Variants in PLAGL1 observed in about 807,000 individuals in gnomAD.
PLAGL1 encodes zinc finger protein PLAGL1.
PLAGL1 carries 1 observed loss-of-function variant against 4.6 expected under a neutral mutation model. The ratio of observed to expected loss-of-function variants is 0.22; its 90% confidence interval spans 0.08 to 1.03. PLAGL1 has a LOEUF of 1.03. PLAGL1 is among the 50% of genes least tolerant of loss of function. PLAGL1 has a pLI of 0.58. For synonymous variants in PLAGL1, 240 were observed against 237.8 expected (o/e 1.01, Z -0.08); for missense variants, 464 against 570.4 (o/e 0.81, Z 1.90).
At position 143,989,664 on chromosome 6, in the gene PLAGL1, A is replaced by T. The variant is rs960537425; in HGVS notation, c.-583-4490T>A. 9.2e-5 allele frequency among the ~76,000 whole-genome samples: 14 copies of T among 152,164 alleles called. No individual in the cohort carries two copies. The highest frequency in any genetic ancestry group is 4.4e-5 in the Non-Finnish European group (3 of 68,030). On this transcript the variant is annotated intron_variant, in intron 1 of 7. Transcript: ENST00000674357. This position sits in a 1 kb window ranked among gnomAD's most constrained non-coding sequence, Gnocchi z 4.8. ...GTGGGATTTCTCAGCCTTCATAATC[A>T]TCAGGGTCAATTCTTTGTAATCAAT...
rs1173664692 is a variant in PLAGL1 at position 143,985,354 on chromosome 6, AT to A, written c.-583-181del. On this transcript the variant is annotated intron_variant, in intron 1 of 7. Coordinates refer to ENST00000674357, the MANE Select transcript of PLAGL1 (RefSeq NM_001317162.2). The surrounding 1 kb of genome is among the most constrained non-coding windows in gnomAD (Gnocchi z 4.4). ...TATCACAACCGATATGTTTATATTA[AT>A]ACCATCTACTAGTCTATCGCGATTT... Among the ~76,000 whole-genome samples, 4 of 152,184 alleles carry A rather than the reference AT, an allele frequency of 2.6e-5. No homozygotes were observed. Among genetic ancestry groups the A allele is most frequent in the Non-Finnish European group, 5.9e-5 (4 of 68,038 alleles).
At chr6:144,020,055 C>T (rs1057034628) in intron 1 of PLAGL1, among the ~76,000 whole-genome samples, 12 of 151,974 alleles carry the variant, frequency 7.9e-5, no homozygotes, top group African/African-American at 2.9e-4. Context: ...AAGATAGAGC[C>T]CTCATGATGG....
rs1791449084 is a variant in PLAGL1 at position 143,995,652 on chromosome 6, T to C, written c.-583-10478A>G. Among the ~76,000 whole-genome samples the C allele has an allele frequency of 6.6e-6, 1 of 152,184 alleles. No individual in the cohort carries two copies. Among genetic ancestry groups the C allele is most frequent in the Admixed American group, 6.5e-5 (1 of 15,282 alleles). ...ATACCACTTAAAATTCAAACACTAT[T>C]ATGATATATATGCTTATATAAAATG... On this transcript the variant is annotated intron_variant, in intron 1 of 7. Coordinates refer to ENST00000674357, the MANE Select transcript of PLAGL1 (RefSeq NM_001317162.2). The surrounding 1 kb of genome is among the most constrained non-coding windows in gnomAD (Gnocchi z 4.4).
At chr6:143,998,424 A>G (rs73006260) in intron 1 of PLAGL1, among the ~76,000 whole-genome samples, 12,289 of 152,278 alleles carry the variant, frequency 0.081, 530 homozygotes, top group African/African-American at 0.097. Context: ...CTTACTAACT[A>G]TATGGTGTTA....
In PLAGL1 at chr6:143,985,712, C is replaced by G. The variant is rs1788863865; in HGVS notation, c.-583-538G>C. On this transcript the variant is annotated intron_variant, in intron 1 of 7. Coordinates refer to ENST00000674357, the MANE Select transcript of PLAGL1 (RefSeq NM_001317162.2). This position sits in a 1 kb window ranked among gnomAD's most constrained non-coding sequence, Gnocchi z 4.4. ...ATTAAAGGTTTAGTTTAAGGAATACCTTCTCCAGGGAGAAGTTTTTCTCAT... is the reference window on the plus strand; with the variant it reads ...ATTAAAGGTTTAGTTTAAGGAATACGTTCTCCAGGGAGAAGTTTTTCTCAT... Among the ~76,000 whole-genome samples the G allele has an allele frequency of 1.3e-5, 2 of 151,808 alleles. No individual in the cohort carries two copies. The highest frequency in any genetic ancestry group is 2.1e-4 in the South Asian group (1 of 4,804).
rs1453933564 is a variant in PLAGL1, at chr6:143,953,312, T to C, written c.-324-4852A>G. On this transcript the variant is annotated intron_variant, in intron 6 of 7. Coordinates refer to ENST00000674357, the MANE Select transcript of PLAGL1 (RefSeq NM_001317162.2). The surrounding 1 kb of genome is among the most constrained non-coding windows in gnomAD (Gnocchi z 5.3). ...GAGAGCCACCTGCTGAGCCATCAGG[T>C]TTGTTGCCTATAGATTCTTTTCAGC... 2.6e-5 allele frequency among the ~76,000 whole-genome samples: 4 copies of C among 152,206 alleles called. No homozygotes were observed. Among genetic ancestry groups the C allele is most frequent in the Admixed American group, 2.6e-4 (4 of 15,288 alleles).
At chr6:143,980,697 ATTGAG>A (rs1328098041) in intron 2 of PLAGL1, among the ~76,000 whole-genome samples, 1 of 152,080 alleles carries the variant, frequency 6.6e-6, no homozygotes, top group African/African-American at 2.4e-5. Flanking sequence ...GTTTCTATTG[ATTGAG>A]TTTTCTCTTC....
rs960991094 is a variant in PLAGL1 at position 144,059,281 on chromosome 6, G to A, written c.-151+5187C>T. The stretch of plus-strand genomic sequence containing the variant: ...CTGGAACTGGAGCAGTGGAATGTGA[G>A]GAGCAGCTTCCCAGGGTGGTGCAGG... On this transcript the variant is annotated intron_variant, in intron 1 of 3. Transcript: ENST00000437412. This position sits in a 1 kb window ranked among gnomAD's most constrained non-coding sequence, Gnocchi z 4.9. Among the ~76,000 whole-genome samples, 1 of 152,250 alleles carries A rather than the reference G, an allele frequency of 6.6e-6. No individual in the cohort carries two copies. The highest frequency in any genetic ancestry group is 2.4e-5 in the African/African-American group (1 of 41,466).
chr6:144,043,007 T>G (rs1436246061), intron 1 of PLAGL1, among the ~76,000 whole-genome samples: 2 of 152,210 alleles, frequency 1.3e-5, no homozygotes, highest in Non-Finnish European at 2.9e-5. Context: ...ATGCTTGTGA[T>G]TTTTCCACAT....
chr6:144,036,219 CCTCTGA>C lies in PLAGL1; in HGVS notation c.-151+28243_-151+28248del, dbSNP rs1583817603. 1.3e-5 allele frequency among the ~76,000 whole-genome samples: 2 copies of C among 152,316 alleles called. No homozygotes were observed. Among genetic ancestry groups the C allele is most frequent in the South Asian group, 4.1e-4 (2 of 4,828 alleles). ...TTATGCCCAGAAATGACAACCACTT[CCTCTGA>C]CTCTAAGAACAGTCCATTTAGGCTA... On this transcript the variant is annotated intron_variant, in intron 1 of 3. Transcript: ENST00000437412. This position sits in a 1 kb window ranked among gnomAD's most constrained non-coding sequence, Gnocchi z 5.1.
chr6:144,013,107 A>G (rs1167691571), upstream of PLAGL1, among the ~76,000 whole-genome samples: 1 of 152,358 alleles, frequency 6.6e-6, no homozygotes, highest in East Asian at 1.9e-4. The surrounding 1 kb of genome is among the most constrained non-coding windows in gnomAD (Gnocchi z 4.4). Context: ...GACAAATTCC[A>G]TAATCACACT....
rs1433213063 is a variant in PLAGL1 at position 144,000,406 on chromosome 6, ATAAGAAAC to A, written c.-584+7676_-584+7683del. Among the ~76,000 whole-genome samples the A allele has an allele frequency of 6.6e-6, 1 of 152,204 alleles. No individual in the cohort carries two copies. Among genetic ancestry groups the A allele is most frequent in the Non-Finnish European group, 1.5e-5 (1 of 68,006 alleles). On this transcript the variant is annotated intron_variant, in intron 1 of 7. Transcript: ENST00000674357. This position sits in a 1 kb window ranked among gnomAD's most constrained non-coding sequence, Gnocchi z 4.1. ...GAAGTAGTAACTAGCTGGTTAGAAA[ATAAGAAAC>A]TAAGAGAAACTATTCACAGTAGCAA...
chr6:144,002,114 G>T (rs555313128), intron 1 of PLAGL1, among the ~76,000 whole-genome samples: 4 of 152,294 alleles, frequency 2.6e-5, no homozygotes, highest in African/African-American at 9.6e-5. Context: ...TATGTAAGAT[G>T]TTAACATGAG....
In PLAGL1 at chr6:144,016,425, T is replaced by G. The variant is rs904831207; in HGVS notation, c.-150-47447A>C. 6.6e-6 allele frequency among the ~76,000 whole-genome samples: 1 copy of G among 152,212 alleles called. No individual in the cohort carries two copies. Among genetic ancestry groups the G allele is most frequent in the Admixed American group, 6.5e-5 (1 of 15,292 alleles). On this transcript the variant is annotated intron_variant, in intron 1 of 3. Transcript: ENST00000437412. The surrounding 1 kb of genome is among the most constrained non-coding windows in gnomAD (Gnocchi z 4.2). ...TTCCCCAGACCACTGACTCAAATAT[T>G]AATCTCTTTTGGTAACACTCTCACA...
chr6:143,966,486 A>T lies in PLAGL1; in HGVS notation c.-471-288T>A, dbSNP rs558654070. ...CATTCTAAATCTTCCCTGACTCAGC[A>T]CAACATCTTTGTGCACTCTGATTTG... On this transcript the variant is annotated intron_variant, in intron 3 of 7. Coordinates refer to ENST00000674357, the MANE Select transcript of PLAGL1 (RefSeq NM_001317162.2). The surrounding 1 kb of genome is among the most constrained non-coding windows in gnomAD (Gnocchi z 6.0). 3.3e-5 allele frequency: 5 copies of T among 152,352 alleles called. No individual in the cohort carries two copies. The highest frequency in any genetic ancestry group is 6.5e-5 in the Admixed American group (1 of 15,308). 9.4% of individuals were successfully genotyped at this position (152,352 alleles called of 1,614,324 possible).
chr6:144,036,877 G>A lies in PLAGL1; in HGVS notation c.-151+27591C>T. ...GCCATCCCCTAATGGTTTGTTCTTG[G>A]TGTTGGACAAATCATAAAAGGACCA... On this transcript the variant is annotated intron_variant, in intron 1 of 3. Coordinates refer to the PLAGL1 transcript ENST00000437412. This position sits in a 1 kb window ranked among gnomAD's most constrained non-coding sequence, Gnocchi z 5.1. 1 of 277,540 alleles carries A rather than the reference G, an allele frequency of 3.6e-6. No homozygotes were observed. 17.2% of individuals were successfully genotyped at this position (277,540 alleles called of 1,614,324 possible). A position where few individuals can be genotyped will look rare whatever the true frequency, so the allele number is the denominator to read the frequency against.
Position 143,941,781 on chromosome 6 carries a change from G to C in PLAGL1, c.1035C>G (p.Leu345=), listed in dbSNP as rs759653376. 6.2e-6 allele frequency: 10 copies of C among 1,614,128 alleles called. No individual in the cohort carries two copies. Among genetic ancestry groups the C allele is most frequent in the Non-Finnish European group, 8.5e-6 (10 of 1,180,048 alleles). The stretch of plus-strand genomic sequence containing the variant: ...CCTTAGCCAGATCAAAACCTGGGTT[G>C]AGCTTTTGAGGTGACTGAGGCTCTT... ...PLQEPQSPQK[L]NPGFDLAKGN... The change falls in exon 8 of 8, where the codon CTC becomes CTG. Residue 345 remains leucine, a synonymous_variant. Coordinates refer to ENST00000674357, the MANE Select transcript of PLAGL1 (RefSeq NM_001317162.2). This position sits in a 1 kb window ranked among gnomAD's most constrained non-coding sequence, Gnocchi z 6.0.
rs1198258358 is a variant in PLAGL1 at position 143,964,427 on chromosome 6, T to G, written c.-399+360A>C. ...TACTGACATGAAATTTTCCTCTAGG[T>G]TGGCAGAATGGGGACTGGAGTCCGT... On this transcript the variant is annotated intron_variant, in intron 5 of 7. Coordinates refer to ENST00000674357, the MANE Select transcript of PLAGL1 (RefSeq NM_001317162.2). The surrounding 1 kb of genome is among the most constrained non-coding windows in gnomAD (Gnocchi z 4.3). Among the ~76,000 whole-genome samples the G allele has an allele frequency of 1.3e-5, 2 of 152,128 alleles. No individual in the cohort carries two copies. Among genetic ancestry groups the G allele is most frequent in the East Asian group, 1.9e-4 (1 of 5,184 alleles).
chr6:143,988,534 T>C (rs1486532614), intron 1 of PLAGL1, among the ~76,000 whole-genome samples: 1 of 152,218 alleles, frequency 6.6e-6, no homozygotes, highest in Non-Finnish European at 1.5e-5. Flanking sequence ...ATTGCATTTA[T>C]CTGCCAGGAA....
Sources: gnomAD v4.1 joint callset for allele counts (sites outside exome capture counted in the v4.1 genomes callset) on GRCh38, gnomAD v4.1.1 for gene constraint, Gnocchi (gnomAD v3.1) non-coding constraint, MANE v1.5 for transcripts, NCBI Gene and HGNC (gene_info 2026-07-23, HGNC 2026-07-21) for gene names.